Variants in SAMTOR observed in about 807,000 individuals in gnomAD.
The protein encoded by SAMTOR is S-adenosylmethionine sensor upstream of mTORC1, also known as UPF0532 protein C7orf60.
the SAMTOR span, among the ~76,000 whole-genome samples, chr7:112,937,359 T>TC: frequency 6.6e-6 from 1 of 152,174 alleles, no homozygotes; most frequent in Admixed American, 6.5e-5. Context: ...TGTTATTGAT[T>TC]CAATGGGCCT....
the SAMTOR span, among the ~76,000 whole-genome samples, chr7:112,907,064 G>C: frequency 9.9e-5 from 15 of 152,228 alleles, no homozygotes; most frequent in African/African-American, 2.6e-4. Context: ...GTGTGAGATG[G>C]GGGTATGGAG....
the SAMTOR span, among the ~76,000 whole-genome samples, chr7:112,890,249 T>C: frequency 1.3e-5 from 2 of 152,038 alleles, no homozygotes; most frequent in South Asian, 4.1e-4. Flanking sequence ...TGGAAGAGGG[T>C]GGAAGCCTTA....
the SAMTOR span, chr7:112,939,455 G>A: frequency 7.2e-7 from 1 of 1,394,098 alleles, no homozygotes; most frequent in Non-Finnish European, 9.7e-7. Flanking sequence ...GACCAGGCCC[G>A]GGAGAGCAGC....
the SAMTOR span, among the ~76,000 whole-genome samples, chr7:112,841,116 T>A: frequency 6.6e-6 from 1 of 151,870 alleles, no homozygotes; most frequent in Non-Finnish European, 1.5e-5. Context: ...TAAAGGGTAT[T>A]CAAATAGGAA....
At chr7:112,845,101 T>C in the SAMTOR span, among the ~76,000 whole-genome samples, 81 of 152,296 alleles carry the variant, frequency 5.3e-4, no homozygotes, top group Non-Finnish European at 8.4e-4. Flanking sequence ...CAAGATGGAC[T>C]GAAGACTTAA....
chr7:112,859,968 A>T, the SAMTOR span, among the ~76,000 whole-genome samples: 1 of 152,104 alleles, frequency 6.6e-6, no homozygotes, highest in Non-Finnish European at 1.5e-5. Context: ...CTTCACATTC[A>T]CTCACCACTC....
the SAMTOR span, among the ~76,000 whole-genome samples, chr7:112,865,341 A>G: frequency 1.3e-5 from 2 of 151,834 alleles, no homozygotes; most frequent in Admixed American, 1.3e-4. Flanking sequence ...GCAGTGGTGC[A>G]ATCTCAGCTC....
chr7:112,883,534 G>A, the SAMTOR span, among the ~76,000 whole-genome samples: 1 of 152,208 alleles, frequency 6.6e-6, no homozygotes, highest in Non-Finnish European at 1.5e-5. Context: ...AGTCAAAACT[G>A]TATTCCTATT....
At chr7:112,826,597 C>T in the SAMTOR span, among the ~76,000 whole-genome samples, 1 of 151,976 alleles carries the variant, frequency 6.6e-6, no homozygotes, top group Admixed American at 6.6e-5. Context: ...CATTAATTTT[C>T]CCTATTTTTC....
chr7:112,850,270 A>C, the SAMTOR span, among the ~76,000 whole-genome samples: 3 of 152,290 alleles, frequency 2.0e-5, no homozygotes, highest in East Asian at 5.8e-4. Flanking sequence ...TTCATGGTAT[A>C]TTATATTTTT....
chr7:112,838,355 T>C, the SAMTOR span, among the ~76,000 whole-genome samples: 1 of 151,948 alleles, frequency 6.6e-6, no homozygotes, highest in Non-Finnish European at 1.5e-5. Flanking sequence ...CAAATATTGA[T>C]AGTCTTACTT....
the SAMTOR span, among the ~76,000 whole-genome samples, chr7:112,847,135 C>A: frequency 6.6e-6 from 1 of 152,164 alleles, no homozygotes. Context: ...CAGCACTAAT[C>A]CTTATGCAAA....
At chr7:112,932,769 G>T in the SAMTOR span, among the ~76,000 whole-genome samples, 5 of 152,178 alleles carry the variant, frequency 3.3e-5, no homozygotes, top group Non-Finnish European at 7.4e-5. Context: ...GTACACAACT[G>T]TGTTTGTGGG....
chr7:112,897,038 A>G, the SAMTOR span, among the ~76,000 whole-genome samples: 1 of 152,200 alleles, frequency 6.6e-6, no homozygotes, highest in Admixed American at 6.5e-5. Flanking sequence ...TAGTGCACAC[A>G]TAAAGAGGAA....
At chr7:112,848,473 G>A in the SAMTOR span, among the ~76,000 whole-genome samples, 3 of 152,264 alleles carry the variant, frequency 2.0e-5, no homozygotes, top group African/African-American at 7.2e-5. Flanking sequence ...AGACACAAGT[G>A]TAAACAGTGC....
At chr7:112,898,106 T>C in the SAMTOR span, among the ~76,000 whole-genome samples, 1 of 152,188 alleles carries the variant, frequency 6.6e-6, no homozygotes, top group Non-Finnish European at 1.5e-5. Context: ...ACAGGGGGCA[T>C]TTAGACCATC....
chr7:112,938,490 C>G, the SAMTOR span, among the ~76,000 whole-genome samples: 1 of 152,212 alleles, frequency 6.6e-6, no homozygotes, highest in Non-Finnish European at 1.5e-5. Flanking sequence ...TCAACAGTAA[C>G]ATGATCTTAC....
chr7:112,850,342 T>C, the SAMTOR span, among the ~76,000 whole-genome samples: 1 of 152,230 alleles, frequency 6.6e-6, no homozygotes, highest in Non-Finnish European at 1.5e-5. Flanking sequence ...ATGTTCACCA[T>C]GGATACTGGC....
At chr7:112,835,065 T>C in the SAMTOR span, among the ~76,000 whole-genome samples, 5 of 152,266 alleles carry the variant, frequency 3.3e-5, no homozygotes, top group South Asian at 6.2e-4. Context: ...GGTATGTATA[T>C]ATAAAAACAT....
Sources: allele counts gnomAD v4.1 joint callset (sites outside exome capture counted in the v4.1 genomes callset), GRCh38; gene constraint gnomAD v4.1.1; transcripts MANE v1.5; gene names NCBI Gene and HGNC (gene_info 2026-07-23, HGNC 2026-07-21).